Variants in MUC5B observed in about 807,000 individuals in gnomAD.
The protein encoded by MUC5B is mucin 5B, oligomeric mucus/gel-forming.
A neutral mutation model predicts 376.9 loss-of-function variants in MUC5B; 116 were observed. The ratio of observed to expected loss-of-function variants is 0.31; its 90% CI spans 0.26 to 0.36. MUC5B has a LOEUF of 0.36. MUC5B is among the 10% of genes least tolerant of loss of function. MUC5B has a pLI of 1.00. For missense variants in MUC5B, 7,165 were observed against 7,769.9 expected (o/e 0.92, Z 2.93); for synonymous variants, 3,517 against 3,390.9 (o/e 1.04, Z -1.29).
chr11:1,243,889 G>A lies in MUC5B; in HGVS notation c.7009G>A (p.Asp2337Asn), dbSNP rs759431395. The A allele has an allele frequency of 6.2e-7, 1 of 1,610,602 alleles. No homozygotes were observed. The highest frequency in any genetic ancestry group is 1.1e-5 in the South Asian group (1 of 90,936). The change falls in exon 31 of 49, where the codon GAC becomes AAC. Residue 2337 changes from aspartate (D) to asparagine (N), a missense_variant. Asp to Asn is a conservative substitution (Grantham distance 23). Around this residue, in one of 31 missense-constraint regions of MUC5B, gnomAD observed 25 missense variants for 103.9 expected, o/e 0.24. Coordinates refer to ENST00000529681, the MANE Select transcript of MUC5B (RefSeq NM_002458.3). ...CCCCATGCCGGGGCCCTCTGGCGGG[G>A]ACTTTGACACCTACTCCAACATCCG... is the stretch of plus-strand genomic sequence containing the variant. ...SYPMPGPSGG[D>N]FDTYSNIRAA...
In MUC5B at chr11:1,234,400, C is replaced by G; in HGVS notation, c.2478+95C>G. The G allele has an allele frequency of 1.3e-6, 2 of 1,494,918 alleles. No individual in the cohort carries two copies. Among genetic ancestry groups the G allele is most frequent in the Non-Finnish European group, 1.8e-6 (2 of 1,102,642 alleles). 92.6% of individuals were successfully genotyped at this position (1,494,918 alleles called of 1,614,324 possible). A position where few individuals can be genotyped will look rare whatever the true frequency, so the allele number is the denominator to read the frequency against. On this transcript the variant is annotated intron_variant, in intron 20 of 48. Coordinates refer to ENST00000529681, the MANE Select transcript of MUC5B (RefSeq NM_002458.3). The surrounding 1 kb of genome is among the most constrained non-coding windows in gnomAD (Gnocchi z 6.3). ...GATCTGGTGGTCCTGGAGACACTTA[C>G]CCACCTGGAAGCTCCGCCCTGGCCC...
intron 1 of MUC5B, among the ~76,000 whole-genome samples, chr11:1,225,112 G>A (rs1303627659): frequency 1.3e-5 from 2 of 152,198 alleles, no homozygotes; most frequent in African/African-American, 4.8e-5. Context: ...CACAGCTTGC[G>A]CGGCCCAGAG....
chr11:1,256,569 T>G, intron 38 of MUC5B, 102 bp from the exon 39 acceptor site: 1 of 555,396 alleles, frequency 1.8e-6, no homozygotes, highest in Non-Finnish European at 3.1e-6. Flanking sequence ...CACCCATTCA[T>G]CTCCTTCCCT....
rs1862957264 is a variant in MUC5B at position 1,260,085 on chromosome 11, G to A, written c.16923G>A (p.Arg5641=). ...PASCPDVSSC[R]GSLRKTGCCY... is the part of the protein sequence containing the mutation. ...CCTGCCCAGATGTGTCCAGCTGCAG[G>A]GTGTGTGCTGGAGGCCCTGCCCCTG... The change falls in exon 46 of 49, where the codon AGG becomes AGA. Residue 5641 remains arginine, a splice_region_variant and synonymous_variant. Transcript: ENST00000529681. 1 of 1,612,384 alleles carries A rather than the reference G, an allele frequency of 6.2e-7. No homozygotes were observed. Among genetic ancestry groups the A allele is most frequent in the Non-Finnish European group, 8.5e-7 (1 of 1,179,650 alleles).
At chr11:1,237,208 G>A in intron 25 of MUC5B, 44 bp downstream of exon 25, 1 of 1,359,038 alleles carries the variant, frequency 7.4e-7, no homozygotes, top group East Asian at 2.9e-5. Context: ...GGGGATGGCA[G>A]TTGCTTCCTT....
intron 23 of MUC5B, among the ~76,000 whole-genome samples, chr11:1,235,696 T>C (rs1039212401): frequency 1.3e-5 from 2 of 152,152 alleles, no homozygotes; most frequent in East Asian, 1.9e-4. Flanking sequence ...CAGGCGTCCC[T>C]GGGCTGTGGC....
rs1862875073 is a variant in MUC5B at position 1,257,602 on chromosome 11, C to A, written c.16342C>A (p.Pro5448Thr). The A allele has an allele frequency of 6.2e-7, 1 of 1,605,302 alleles. No individual in the cohort carries two copies. Among genetic ancestry groups the A allele is most frequent in the African/African-American group, 1.3e-5 (1 of 75,064 alleles). ...GGGTTCAGTGTCGGTGCAGTGCAAGCCCCTGCCCTGTGACGCCCAGGGTCA... is the reference window on the plus strand; with the variant it reads ...GGGTTCAGTGTCGGTGCAGTGCAAGACCCTGCCCTGTGACGCCCAGGGTCA... The part of the protein sequence containing the change: ...DEGSVSVQCK[P>T]LPCDAQGQPP... The change falls in exon 41 of 49, where the codon CCC (proline) becomes ACC (threonine). Residue 5448 changes from proline to threonine, a missense_variant. Physicochemically the swap from Pro to Thr is conservative, Grantham distance 38. Transcript: ENST00000529681. The surrounding 1 kb of genome is among the most constrained non-coding windows in gnomAD (Gnocchi z 8.9).
At position 1,246,237 on chromosome 11, in the gene MUC5B, C is replaced by T; in HGVS notation, c.9357C>T (p.Thr3119=). The T allele has an allele frequency of 3.1e-6, 5 of 1,612,536 alleles. No individual in the cohort carries two copies. Among genetic ancestry groups the T allele is most frequent in the Non-Finnish European group, 4.2e-6 (5 of 1,179,414 alleles). Residue 3119 remains threonine (T), a synonymous_variant, in exon 31 of 49, where the codon ACC becomes ACT. Transcript: ENST00000529681. ...CGAAGGCCACCACGACAAGGGCCAC[C>T]AGTTCCATGTCCACCCCCTCCTCCA... ...LTTKATTTRA[T]SSMSTPSSTP...
At chr11:1,256,880 A>G (rs1862852225) in intron 39 of MUC5B, 109 bp downstream of exon 39, 2 of 838,802 alleles carry the variant, frequency 2.4e-6, no homozygotes, top group African/African-American at 1.7e-5. Flanking sequence ...TCCCCAGCTG[A>G]CCCCCGTGAC....
In MUC5B at chr11:1,242,659, A is replaced by T. The variant is rs369964583; in HGVS notation, c.5779A>T (p.Thr1927Ser). 16 of 1,612,740 alleles carry T rather than the reference A, an allele frequency of 9.9e-6. No individual in the cohort carries two copies. In the East Asian group the frequency reaches 1.6e-4, roughly 16 times the overall value. Residue 1927 changes from threonine to serine, a missense_variant, in exon 31 of 49, where the codon ACC (threonine) becomes TCC (serine). Thr to Ser is a moderately conservative substitution (Grantham distance 58). Coordinates refer to ENST00000529681, the MANE Select transcript of MUC5B (RefSeq NM_002458.3). ...TASTGSTATP[T>S]STLRTAPPPK... ...GTCCACTGGATCCACGGCCACCCCG[A>T]CCTCCACCCTGAGAACAGCTCCCCC...
Position 1,242,409 on chromosome 11 carries a change from C to A in MUC5B, c.5529C>A (p.Val1843=), listed in dbSNP as rs760639585. 2 of 1,613,708 alleles carry A rather than the reference C, an allele frequency of 1.2e-6. No homozygotes were observed. Among genetic ancestry groups the A allele is most frequent in the East Asian group, 2.2e-5 (1 of 44,902 alleles). The change falls in exon 31 of 49, where the codon GTC becomes GTA. Residue 1843 remains valine (V), a synonymous_variant. Coordinates refer to ENST00000529681, the MANE Select transcript of MUC5B (RefSeq NM_002458.3). ...ACCCCGAGGTAAGCATCGACCAGGT[C>A]GGGCAGGTGCTGACCTGCAGCCTGG... ...ENYPEVSIDQ[V]GQVLTCSLET... is the part of the protein sequence containing the mutation.
chr11:1,251,540 C>T lies in MUC5B; in HGVS notation c.14660C>T (p.Pro4887Leu). The T allele has an allele frequency of 5.6e-6, 9 of 1,613,042 alleles. No individual in the cohort carries two copies. Among genetic ancestry groups the T allele is most frequent in the Non-Finnish European group, 5.1e-6 (6 of 1,179,794 alleles). The change falls in exon 31 of 49, where the codon CCC (proline) becomes CTC (leucine). Residue 4887 changes from proline to leucine, a missense_variant. By Grantham distance (98) the Pro-to-Leu change is moderately conservative. Coordinates refer to ENST00000529681, the MANE Select transcript of MUC5B (RefSeq NM_002458.3). ...PKVVTTMATM[P>L]TATASTVPSS... Reference sequence around the variant, plus strand: ...GTGGTGACCACCATGGCCACTATGCCCACAGCCACTGCCTCCACGGTTCCC... The same window carrying T: ...GTGGTGACCACCATGGCCACTATGCTCACAGCCACTGCCTCCACGGTTCCC...
rs200056103 is a variant in MUC5B at position 1,248,085 on chromosome 11, C to A, written c.11205C>A (p.Thr3735=). 106 of 1,590,584 alleles carry A rather than the reference C, an allele frequency of 6.7e-5. No individual in the cohort carries two copies. Among genetic ancestry groups the A allele is most frequent in the Non-Finnish European group, 8.5e-5 (99 of 1,166,570 alleles). The change falls in exon 31 of 49, where the codon ACC becomes ACA. Residue 3735 remains threonine (T), a synonymous_variant. Coordinates refer to ENST00000529681, the MANE Select transcript of MUC5B (RefSeq NM_002458.3). The part of the protein sequence containing the change: ...PSTTATVTVP[T]GSTATASSTQ... ...CTACAGCCACCGTGACGGTGCCCAC[C>A]GGATCCACGGCCACCGCCTCCTCCA...
Position 1,254,859 on chromosome 11 carries a change from A to G in MUC5B, c.15643A>G (p.Asn5215Asp). The G allele has an allele frequency of 6.2e-7, 1 of 1,611,710 alleles. No homozygotes were observed. The highest frequency in any genetic ancestry group is 8.5e-7 in the Non-Finnish European group (1 of 1,179,650). The change falls in exon 35 of 49, where the codon AAC (asparagine) becomes GAC (aspartate). Residue 5215 changes from asparagine (N) to aspartate (D), a missense_variant. Physicochemically the swap from Asn to Asp is conservative, Grantham distance 23. Coordinates refer to ENST00000529681, the MANE Select transcript of MUC5B (RefSeq NM_002458.3). Reference protein sequence around the residue: ...QARLPYSLFHNNTEGQCGTCT... With the variant: ...QARLPYSLFHDNTEGQCGTCT... ...CCGGCTGCCCTACAGCCTCTTCCAC[A>G]ACAACACCGAGGGCCAGTGCGGTGA...
intron 18 of MUC5B, 36 bp downstream of exon 18, chr11:1,233,304 C>T: frequency 6.8e-7 from 1 of 1,481,318 alleles, no homozygotes. Flanking sequence ...CCCCCAGGTG[C>T]TCCTCAGAGC....
At chr11:1,259,612 G>A (rs1862944036) in intron 44 of MUC5B, 144 bp from the exon 45 acceptor site, 3 of 738,938 alleles carry the variant, frequency 4.1e-6, no homozygotes, top group Non-Finnish European at 6.7e-6. Flanking sequence ...ATAACTGAGT[G>A]GGGGCAACTT....
chr11:1,238,833 A>G (rs377054986), intron 25 of MUC5B, 38 bp from the exon 26 acceptor site: 67 of 1,535,258 alleles, frequency 4.4e-5, no homozygotes, highest in Non-Finnish European at 2.4e-5. Context: ...CGGGGGGGCC[A>G]TTGTCCCGGC....
Position 1,242,527 on chromosome 11 carries a change from A to C in MUC5B, c.5647A>C (p.Ser1883Arg). Reference protein sequence around the residue: ...NVRVLCCDDYSHCPSTPATSS... With the variant: ...NVRVLCCDDYRHCPSTPATSS... ...GCGTGTGCTTTGCTGTGACGACTAC[A>C]GCCACTGCCCCAGTACCCCAGCCAC... Residue 1883 changes from serine to arginine, a missense_variant, in exon 31 of 49, where the codon AGC becomes CGC. Physicochemically the swap from Ser to Arg is moderately radical, Grantham distance 110. Transcript: ENST00000529681. The C allele has an allele frequency of 2.5e-6, 4 of 1,613,702 alleles. No homozygotes were observed. Among genetic ancestry groups the C allele is most frequent in the Non-Finnish European group, 3.4e-6 (4 of 1,179,782 alleles).
chr11:1,223,442 C>A, intron 1 of MUC5B: 2 of 608,240 alleles, frequency 3.3e-6, no homozygotes, highest in Non-Finnish European at 6.1e-6. Flanking sequence ...GACCGCAGGG[C>A]AAGGCCCCTG....
Sources: allele counts gnomAD v4.1 joint callset (sites outside exome capture counted in the v4.1 genomes callset), GRCh38; gene constraint gnomAD v4.1.1; regional missense constraint gnomAD v4.1.1; non-coding constraint Gnocchi (gnomAD v3.1); transcripts MANE v1.5; gene names NCBI Gene and HGNC (gene_info 2026-07-23, HGNC 2026-07-21).